Variants in GLIS3 observed in about 807,000 individuals in gnomAD.
GLIS3 encodes the protein GLIS family zinc finger 3, also known as zinc finger protein GLIS3.
In GLIS3, 53 loss-of-function variants were observed where a neutral mutation model predicts 78.6. That is an observed-to-expected ratio of 0.67 (90% CI 0.54 to 0.85). The LOEUF is 0.85. GLIS3 is among the 40% of genes least tolerant of loss of function. The pLI is 0.00. For synonymous variants in GLIS3, 684 were observed against 509.9 expected, an observed-to-expected ratio of 1.34 and a Z score of -4.60; for missense variants, 1,703 against 1,231.1, an observed-to-expected ratio of 1.38 and a Z score of -5.74.
chr9:4,454,017 T>C, the GLIS3 span, among the ~76,000 whole-genome samples: 2 of 151,486 alleles, frequency 1.3e-5, no homozygotes, highest in Admixed American at 6.6e-5. Context: ...GAAAATAAAT[T>C]TTAAAAAAAG....
upstream of GLIS3, among the ~76,000 whole-genome samples, chr9:4,303,548 AT>A (rs1237320252): frequency 1.9e-4 from 29 of 152,188 alleles, no homozygotes. Context: ...CAGTGATGTA[AT>A]TTTTTAAAAA....
At chr9:3,914,126 C>T (rs1824332708) in intron 6 of GLIS3, among the ~76,000 whole-genome samples, 1 of 91,546 alleles carries the variant, frequency 1.1e-5, no homozygotes, top group South Asian at 4.1e-4. Flanking sequence ...TTTAAAAAGA[C>T]ACTTGGGTAG....
At chr9:4,131,878 A>G (rs141722204) in intron 2 of GLIS3, among the ~76,000 whole-genome samples, 2 of 152,238 alleles carry the variant, frequency 1.3e-5, no homozygotes, top group East Asian at 3.9e-4. Context: ...TACTGTTGTT[A>G]TTGATACTAT....
chr9:4,301,579 C>T (rs1210204009), upstream of GLIS3, among the ~76,000 whole-genome samples: 2 of 152,202 alleles, frequency 1.3e-5, no homozygotes, highest in African/African-American at 4.8e-5. Flanking sequence ...ATGGGAACTT[C>T]TGTTCATCAG....
chr9:4,366,128 C>G, the GLIS3 span, among the ~76,000 whole-genome samples: 7 of 152,030 alleles, frequency 4.6e-5, no homozygotes, highest in East Asian at 1.9e-4. Context: ...TGAGATAGGA[C>G]AGAGGATATA....
the GLIS3 span, among the ~76,000 whole-genome samples, chr9:4,473,236 G>T: frequency 6.6e-6 from 1 of 152,038 alleles, no homozygotes; most frequent in East Asian, 1.9e-4. Flanking sequence ...CGCAGCCATA[G>T]AAAGAATGAG....
chr9:4,193,029 A>G (rs575441544), intron 2 of GLIS3, among the ~76,000 whole-genome samples: 38 of 152,342 alleles, frequency 2.5e-4, no homozygotes, highest in Admixed American at 4.6e-4. Context: ...TCAATAAGCC[A>G]TTTTAAGTAA....
At chr9:4,419,035 T>C in the GLIS3 span, among the ~76,000 whole-genome samples, 1 of 152,202 alleles carries the variant, frequency 6.6e-6, no homozygotes, top group Middle Eastern at 3.2e-3. Flanking sequence ...AATCTGTCAT[T>C]AAGCAATTAG....
chr9:4,152,348 G>A (rs1203367495), intron 2 of GLIS3, among the ~76,000 whole-genome samples: 1 of 152,092 alleles, frequency 6.6e-6, no homozygotes, highest in Non-Finnish European at 1.5e-5. Context: ...AATCCCTAAG[G>A]ACATTCCCAA....
At chr9:4,443,085 C>T in the GLIS3 span, among the ~76,000 whole-genome samples, 3 of 152,110 alleles carry the variant, frequency 2.0e-5, no homozygotes, top group African/African-American at 4.8e-5. Context: ...TTTCCCCATC[C>T]TTAATCTTCC....
chr9:4,205,492 G>A (rs558233881), intron 2 of GLIS3, among the ~76,000 whole-genome samples: 1 of 152,334 alleles, frequency 6.6e-6, no homozygotes, highest in South Asian at 2.1e-4. Flanking sequence ...CTCTTCCCTG[G>A]AAGATTTGAT....
intron 1 of GLIS3, among the ~76,000 whole-genome samples, chr9:4,291,073 C>T (rs1440229404): frequency 6.6e-6 from 1 of 152,076 alleles, no homozygotes; most frequent in African/African-American, 2.4e-5. Flanking sequence ...AAATGTGGAG[C>T]AGAAAGTTAG....
chr9:4,252,682 A>G (rs1003294905), intron 2 of GLIS3, among the ~76,000 whole-genome samples: 1 of 152,016 alleles, frequency 6.6e-6, no homozygotes, highest in African/African-American at 2.4e-5. Context: ...TTTGGAGGAG[A>G]AGAGGTGTTC....
At chr9:4,276,144 G>C (rs1033919999) in intron 2 of GLIS3, among the ~76,000 whole-genome samples, 1 of 151,032 alleles carries the variant, frequency 6.6e-6, no homozygotes, top group Non-Finnish European at 1.5e-5. Flanking sequence ...AAATTAGCCG[G>C]TGGTGACACA....
At chr9:4,321,409 T>G (rs189149859) in intron 2 of GLIS3, among the ~76,000 whole-genome samples, 1,128 of 65,322 alleles carry the variant, frequency 0.017, 126 homozygotes, top group African/African-American at 0.09. Context: ...GCCACAGAGC[T>G]AGACTCCGTC....
At chr9:4,028,223 G>C (rs1320436566) in intron 4 of GLIS3, among the ~76,000 whole-genome samples, 1 of 152,136 alleles carries the variant, frequency 6.6e-6, no homozygotes, top group African/African-American at 2.4e-5. Flanking sequence ...CTGGGCCTCA[G>C]TTTCTCCATC....
At chr9:4,096,569 A>T (rs1829965336) in intron 4 of GLIS3, among the ~76,000 whole-genome samples, 1 of 152,224 alleles carries the variant, frequency 6.6e-6, no homozygotes. Flanking sequence ...AATTAAAATT[A>T]CATTTAATCC....
chr9:3,878,529 C>T (rs1283241599), intron 8 of GLIS3: 1 of 152,120 alleles, frequency 6.6e-6, no homozygotes, highest in East Asian at 1.9e-4. Flanking sequence ...CTGATTTCAC[C>T]AGTAATCTCT....
intron 2 of GLIS3, among the ~76,000 whole-genome samples, chr9:4,158,519 G>A (rs1030109209): frequency 6.6e-6 from 1 of 152,168 alleles, no homozygotes; most frequent in African/African-American, 2.4e-5. Flanking sequence ...TCCAGATCCA[G>A]CTCACATGTC....
Sources: allele counts gnomAD v4.1 joint callset (sites outside exome capture counted in the v4.1 genomes callset), GRCh38; gene constraint gnomAD v4.1.1; transcripts MANE v1.5; gene names NCBI Gene and HGNC (gene_info 2026-07-23, HGNC 2026-07-21).